MTOR: variants seen among roughly 807,000 people sequenced by gnomAD.
The protein encoded by MTOR is serine/threonine-protein kinase mTOR.
In MTOR, 70 loss-of-function variants were observed where a neutral mutation model predicts 319.8. That is an observed-to-expected ratio of 0.22 (90% CI 0.18 to 0.27). The LOEUF (loss-of-function observed/expected upper bound fraction) is 0.27. Ranked by LOEUF, MTOR falls within the 10% of genes least tolerant of loss-of-function variation. The pLI, the probability that MTOR is intolerant of heterozygous loss-of-function variation, is 1.00. For synonymous variants in MTOR, 1,183 were observed against 1,211.4 expected (o/e 0.98, Z 0.49); for missense variants, 1,890 against 3,274.4 (o/e 0.58, Z 10.32).
At position 11,127,750 on chromosome 1, in the gene MTOR, G is replaced by T. The variant is rs1642914080; in HGVS notation, c.6090C>A (p.Gly2030=). 6.2e-7 allele frequency: 1 copy of T among 1,613,904 alleles called. No individual in the cohort carries two copies. The highest frequency in any genetic ancestry group is 8.5e-7 in the Non-Finnish European group (1 of 1,180,024). The change falls in exon 44 of 58, where the codon GGC becomes GGA. Residue 2030 remains glycine, a synonymous_variant. Coordinates refer to ENST00000361445, the MANE Select transcript of MTOR (RefSeq NM_004958.4). This position sits in a 1 kb window ranked among gnomAD's most constrained non-coding sequence, Gnocchi z 5.5. Reference sequence around the variant, plus strand: ...AGTACAAACGAGATGCCTCTTCCAGGCCTTCATGCCACATCTCATGCCAGA... The same window carrying T: ...AGTACAAACGAGATGCCTCTTCCAGTCCTTCATGCCACATCTCATGCCAGA... ...AILWHEMWHE[G]LEEASRLYFG...
At position 11,204,689 on chromosome 1, in the gene MTOR, G is replaced by C; in HGVS notation, c.3816C>G (p.Ala1272=). The change falls in exon 26 of 58, where the codon GCC becomes GCG. Residue 1272 remains alanine (A), a synonymous_variant. Coordinates refer to ENST00000361445, the MANE Select transcript of MTOR (RefSeq NM_004958.4). ...TINLQKAWGA[A]RRVSKDDWLE... ...GCCAGTCATCTTTGGAGACCCTCCT[G>C]GCAGCGCCCCAGGCCTGTGATCCCA... The C allele has an allele frequency of 6.2e-7, 1 of 1,614,106 alleles. No individual in the cohort carries two copies. Among genetic ancestry groups the C allele is most frequent in the South Asian group, 1.1e-5 (1 of 91,074 alleles).
At chr1:11,125,366 C>T (rs967336845) in intron 46 of MTOR, among the ~76,000 whole-genome samples, 11 of 152,218 alleles carry the variant, frequency 7.2e-5, no homozygotes, top group African/African-American at 2.7e-4. Flanking sequence ...CAGAGATAAT[C>T]ACCTGTGGAC....
intron 9 of MTOR, among the ~76,000 whole-genome samples, chr1:11,242,283 G>A (rs1304787695): frequency 6.6e-6 from 1 of 152,144 alleles, no homozygotes; most frequent in African/African-American, 2.4e-5. Flanking sequence ...TGGATCACTT[G>A]AGGCCAGGAG....
chr1:11,189,685 G>C (rs774790467), intron 28 of MTOR: 1 of 1,614,194 alleles, frequency 6.2e-7, no homozygotes, highest in East Asian at 2.2e-5. Flanking sequence ...CAAGACACCA[G>C]CACAGCCACA....
rs538295515 is a variant in MTOR at position 11,145,058 on chromosome 1, C to A, written c.4687-13G>T. On this transcript the variant is annotated splice_polypyrimidine_tract_variant and intron_variant, in intron 32 of 57. Transcript: ENST00000361445. ...CCTTGTCAATGCACTAGAAGAGAAA[C>A]AACCCTTGGGACTGAGCTCTGGACT... 157 of 1,613,562 alleles carry A rather than the reference C, an allele frequency of 9.7e-5. 2 individuals carry two copies. The South Asian group carries it at 1.6e-3, about 17-fold the overall frequency.
intron 53 of MTOR, 49 bp from the exon 54 acceptor site, chr1:11,112,966 G>C (rs1447180756): frequency 6.4e-7 from 1 of 1,570,516 alleles, no homozygotes; most frequent in Admixed American, 1.8e-5. Context: ...ATTTTGACTT[G>C]AAAGAAACTT....
Position 11,128,199 on chromosome 1 carries a change from G to T in MTOR, c.5911-73C>A. The stretch of plus-strand genomic sequence containing the variant: ...GAAGAGCTGGTATGAATTTTAAGGA[G>T]AATAACAAAACAAGTGGTGAGTGTG... On this transcript the variant is annotated intron_variant, in intron 42 of 57. Coordinates refer to ENST00000361445, the MANE Select transcript of MTOR (RefSeq NM_004958.4). The surrounding 1 kb of genome is among the most constrained non-coding windows in gnomAD (Gnocchi z 5.3). 6.3e-7 allele frequency: 1 copy of T among 1,580,250 alleles called. No homozygotes were observed. The highest frequency in any genetic ancestry group is 1.2e-5 in the South Asian group (1 of 86,582).
At position 11,182,236 on chromosome 1, in the gene MTOR, A is replaced by G. The variant is rs187564243; in HGVS notation, c.4254-14719T>C. On this transcript the variant is annotated intron_variant, in intron 28 of 57. Coordinates refer to ENST00000361445, the MANE Select transcript of MTOR (RefSeq NM_004958.4). ...CCATCTTAAAAAAAAAAAAAAAAGT[A>G]CAAACTGAAATAAGTGCTTTTGTGG... Among the ~76,000 whole-genome samples the G allele has an allele frequency of 1.7e-4, 26 of 151,028 alleles. No homozygotes were observed. The East Asian group carries it at 4.9e-3, about 28-fold the overall frequency.
rs1300725496 is a variant in MTOR, at chr1:11,141,685, TA to T, written c.4873-2028del. 5.0e-3 allele frequency among the ~76,000 whole-genome samples: 669 copies of T among 132,882 alleles called. 8 individuals carry two copies. Among genetic ancestry groups the T allele is most frequent in the East Asian group, 0.04 (173 of 4,332 alleles). 87.2% of individuals were successfully genotyped at this position (132,882 alleles called of 152,430 possible). A position where few individuals can be genotyped will look rare whatever the true frequency, so the allele number is the denominator to read the frequency against. ...TGCCTGGCCACAAATTCTTTATAAT[TA>T]AAAAAAAAAAAGAAAAAAGGCGGGG... On this transcript the variant is annotated intron_variant, in intron 34 of 57. Coordinates refer to ENST00000361445, the MANE Select transcript of MTOR (RefSeq NM_004958.4).
rs17235633 is a variant in MTOR at position 11,121,400 on chromosome 1, G to A, written c.6811-32C>T. 1.2e-6 allele frequency: 2 copies of A among 1,612,902 alleles called. No individual in the cohort carries two copies. Among genetic ancestry groups the A allele is most frequent in the South Asian group, 1.1e-5 (1 of 91,032 alleles). On this transcript the variant is annotated intron_variant, in intron 48 of 57. Transcript: ENST00000361445. This position sits in a 1 kb window ranked among gnomAD's most constrained non-coding sequence, Gnocchi z 4.9. The stretch of plus-strand genomic sequence containing the variant: ...CAGGACACAACTGTTCAGTAAGAGA[G>A]CAGCCTAAGACATGTAGTTTGGGTC...
rs1646141270 is a variant in MTOR at position 11,206,453 on chromosome 1, CA to C, written c.3802-1751del. ...CAAATTACTTAACCCGTCAGTGCCT[CA>C]CGGTCCACATCTGTAAAGTGGGACA... On this transcript the variant is annotated intron_variant, in intron 25 of 57. Coordinates refer to ENST00000361445, the MANE Select transcript of MTOR (RefSeq NM_004958.4). 2.0e-5 allele frequency among the ~76,000 whole-genome samples: 3 copies of C among 152,176 alleles called. No individual in the cohort carries two copies. The East Asian group carries it at 5.8e-4, about 29-fold the overall frequency.
Position 11,161,165 on chromosome 1 carries a change from G to A in MTOR, c.4330-3874C>T, listed in dbSNP as rs193028572. Reference sequence around the variant, plus strand: ...CCGTGCCTGGCTCAGAGGGTCCCACGCCCACGGAGCCTTGCTCATTGCTAG... The same window carrying A: ...CCGTGCCTGGCTCAGAGGGTCCCACACCCACGGAGCCTTGCTCATTGCTAG... On this transcript the variant is annotated intron_variant, in intron 29 of 57. Transcript: ENST00000361445. 2.4e-3 allele frequency among the ~76,000 whole-genome samples: 361 copies of A among 152,316 alleles called. 6 individuals carry two copies. Among genetic ancestry groups the A allele is most frequent in the African/African-American group, 8.1e-3 (337 of 41,580 alleles).
At chr1:11,172,557 CAAAAAAAAAAA>C (rs767483973) in intron 28 of MTOR, among the ~76,000 whole-genome samples, 1 of 56,304 alleles carries the variant, frequency 1.8e-5, no homozygotes, top group Non-Finnish European at 4.0e-5. Context: ...GACTCTGTCT[CAAAAAAAAAAA>C]AAAAAAAAAA....
chr1:11,156,991 G>A (rs1282471887), intron 30 of MTOR, among the ~76,000 whole-genome samples, 161 bp downstream of exon 30: 1 of 152,144 alleles, frequency 6.6e-6, no homozygotes, highest in Non-Finnish European at 1.5e-5. Flanking sequence ...AATGGAGAGA[G>A]AAAAACACCA....
Position 11,195,001 on chromosome 1 carries a change from G to A in MTOR, c.4253+4257C>T, listed in dbSNP as rs374367831. On this transcript the variant is annotated intron_variant, in intron 28 of 57. Coordinates refer to ENST00000361445, the MANE Select transcript of MTOR (RefSeq NM_004958.4). ...CTCAAACGGGTGGAGATGAAAATCC[G>A]CCCAGAAGACTTCAAGCCTTAAAAG... 4.6e-5 allele frequency: 75 copies of A among 1,613,760 alleles called. No individual in the cohort carries two copies. Among genetic ancestry groups the A allele is most frequent in the Admixed American group, 6.7e-5 (4 of 60,004 alleles).
intron 28 of MTOR, among the ~76,000 whole-genome samples, chr1:11,182,217 T>TAAA (rs75328428): frequency 5.8e-5 from 8 of 137,612 alleles, no homozygotes; most frequent in South Asian, 2.3e-4. Context: ...AACTCCATCT[T>TAAA]AAAAAAAAAA....
chr1:11,153,355 T>C (rs1644212564), intron 30 of MTOR, among the ~76,000 whole-genome samples: 1 of 152,216 alleles, frequency 6.6e-6, no homozygotes, highest in Admixed American at 6.5e-5. Context: ...AGAGAAGGGT[T>C]CACAGAGAAA....
At chr1:11,179,868 C>CA (rs1292294021) in intron 28 of MTOR, among the ~76,000 whole-genome samples, 2 of 152,220 alleles carry the variant, frequency 1.3e-5, no homozygotes, top group South Asian at 2.1e-4. Context: ...CTTACAGGCA[C>CA]ACTGGCCCTT....
intron 23 of MTOR, among the ~76,000 whole-genome samples, chr1:11,211,137 C>A (rs1223758443): frequency 6.6e-6 from 1 of 152,152 alleles, no homozygotes; most frequent in East Asian, 1.9e-4. Flanking sequence ...TGCCCTTGCC[C>A]CCGCAGCCTA....
Sources: allele counts gnomAD v4.1 joint callset (sites outside exome capture counted in the v4.1 genomes callset), GRCh38; gene constraint gnomAD v4.1.1; non-coding constraint Gnocchi (gnomAD v3.1); transcripts MANE v1.5; gene names NCBI Gene and HGNC (gene_info 2026-07-23, HGNC 2026-07-21).